The following EPHA5 variants were observed in gnomAD, a reference collection of about 807,000 sequenced individuals.
The protein encoded by EPHA5 is ephrin type-A receptor 5.
In EPHA5, 60 loss-of-function variants were observed where a neutral mutation model predicts 105.0. That is an observed-to-expected ratio of 0.57 (90% CI 0.46 to 0.71). The LOEUF is 0.71. Ranked by LOEUF, EPHA5 falls within the 30% of genes least tolerant of loss-of-function variation. EPHA5 has a pLI of 0.00. For missense variants in EPHA5, 1,218 were observed against 1,274.7 expected, an observed-to-expected ratio of 0.96 and a Z score of 0.68; for synonymous variants, 513 against 449.1, an observed-to-expected ratio of 1.14 and a Z score of -1.80.
intron 5 of EPHA5, among the ~76,000 whole-genome samples, chr4:65,471,319 A>G (rs914539519): frequency 6.6e-6 from 1 of 152,206 alleles, no homozygotes; most frequent in Non-Finnish European, 1.5e-5. Flanking sequence ...AAAATTATTC[A>G]GTCTTTGAAA....
intron 7 of EPHA5, among the ~76,000 whole-genome samples, chr4:65,405,754 T>G (rs1722296055): frequency 6.6e-6 from 1 of 152,120 alleles, no homozygotes; most frequent in Non-Finnish European, 1.5e-5. Flanking sequence ...GACGCTAAGG[T>G]CTATGGTAAG....
intron 3 of EPHA5, among the ~76,000 whole-genome samples, chr4:65,503,908 T>TACAC (rs34693427): frequency 0.21 from 30,268 of 145,242 alleles, 3,567 homozygotes; most frequent in Middle Eastern, 0.29. Flanking sequence ...ATGTGTGTGA[T>TACAC]ACACACACAC....
intron 8 of EPHA5, among the ~76,000 whole-genome samples, chr4:65,398,292 A>G (rs778887837): frequency 6.6e-6 from 1 of 152,162 alleles, no homozygotes; most frequent in African/African-American, 2.4e-5. Flanking sequence ...TGGTGCTGAC[A>G]CAGCAGTCCC....
At chr4:65,385,088 A>G (rs1485118523) in intron 8 of EPHA5, among the ~76,000 whole-genome samples, 1 of 151,882 alleles carries the variant, frequency 6.6e-6, no homozygotes, top group Non-Finnish European at 1.5e-5. Context: ...GAAAGCAAAT[A>G]AAGTTGCAAA....
At chr4:65,487,537 G>C (rs1730994700) in intron 5 of EPHA5, among the ~76,000 whole-genome samples, 1 of 152,054 alleles carries the variant, frequency 6.6e-6, no homozygotes, top group East Asian at 1.9e-4. Context: ...ACCTTTGATT[G>C]GTGTTCAAGA....
intron 3 of EPHA5, among the ~76,000 whole-genome samples, chr4:65,514,195 G>C (rs1037610823): frequency 6.6e-6 from 1 of 152,050 alleles, no homozygotes. Context: ...CCTGACAGTA[G>C]ATTTTATTTC....
At chr4:65,468,611 A>T (rs7695265) in intron 5 of EPHA5, among the ~76,000 whole-genome samples, 25 of 112,084 alleles carry the variant, frequency 2.2e-4, no homozygotes, top group East Asian at 4.7e-4. Context: ...TATTATATAT[A>T]TTATATATAT....
At chr4:65,411,777 T>G (rs1722935783) in intron 7 of EPHA5, among the ~76,000 whole-genome samples, 1 of 152,210 alleles carries the variant, frequency 6.6e-6, no homozygotes, top group Non-Finnish European at 1.5e-5. Context: ...AAGTATTAAT[T>G]TAATTATCAT....
chr4:65,558,173 G>T (rs1194614763), intron 3 of EPHA5, among the ~76,000 whole-genome samples: 1 of 151,978 alleles, frequency 6.6e-6, no homozygotes, highest in Non-Finnish European at 1.5e-5. Flanking sequence ...CACCACACCT[G>T]GCCCAAAATT....
At chr4:65,324,883 AT>A (rs143851713) in intron 16 of EPHA5, among the ~76,000 whole-genome samples, 1 of 150,290 alleles carries the variant, frequency 6.7e-6, no homozygotes, top group African/African-American at 2.4e-5. Context: ...ACTTCTGTGC[AT>A]TTTTTTCAAC....
chr4:65,416,995 C>A lies in EPHA5; in HGVS notation c.1528-2552G>T, dbSNP rs367651966. ...TCAGGGCAGTGACTTTTCCTGCCTTCGTGCCCCAGCTGAGCAAATGAGCTA... is the reference window on the plus strand; with the variant it reads ...TCAGGGCAGTGACTTTTCCTGCCTTAGTGCCCCAGCTGAGCAAATGAGCTA... On this transcript the variant is annotated intron_variant, in intron 6 of 16. Coordinates refer to ENST00000613740, the MANE Select transcript of EPHA5 (RefSeq NM_001281766.3). Among the ~76,000 whole-genome samples the A allele has an allele frequency of 1.6e-4, 24 of 152,342 alleles. No homozygotes were observed. In the East Asian group the frequency reaches 2.5e-3, roughly 16 times the overall value.
At chr4:65,592,438 G>A (rs1742755942) in intron 3 of EPHA5, among the ~76,000 whole-genome samples, 1 of 151,962 alleles carries the variant, frequency 6.6e-6, no homozygotes, top group Non-Finnish European at 1.5e-5. Flanking sequence ...CTGGTACCAA[G>A]TGGGGAGACC....
At chr4:65,400,013 CAGAT>C (rs1353283828) in intron 8 of EPHA5, among the ~76,000 whole-genome samples, 1 of 151,740 alleles carries the variant, frequency 6.6e-6, no homozygotes. Context: ...AATAAGGACA[CAGAT>C]AAATAAAAAA....
chr4:65,540,667 A>G (rs541407937), intron 3 of EPHA5, among the ~76,000 whole-genome samples: 116 of 151,380 alleles, frequency 7.7e-4, no homozygotes, highest in Non-Finnish European at 1.5e-3. Context: ...ATACTGTAGG[A>G]ATTTATTGAA....
At chr4:65,613,438 G>C (rs62297715) in intron 2 of EPHA5, among the ~76,000 whole-genome samples, 74,851 of 151,772 alleles carry the variant, frequency 0.49, 20,132 homozygotes, top group Middle Eastern at 0.65. Context: ...TATAGGAATT[G>C]CATTGAATCT....
chr4:65,375,796 C>T (rs955002735), intron 8 of EPHA5, among the ~76,000 whole-genome samples: 1 of 151,628 alleles, frequency 6.6e-6, no homozygotes, highest in Non-Finnish European at 1.5e-5. Flanking sequence ...TACACACACA[C>T]ACACACACAC....
intron 16 of EPHA5, among the ~76,000 whole-genome samples, chr4:65,328,464 T>A (rs1218744461): frequency 6.6e-6 from 1 of 151,288 alleles, no homozygotes; most frequent in Non-Finnish European, 1.5e-5. Flanking sequence ...TATCTACAGA[T>A]GATTCATTCT....
chr4:65,596,576 A>C (rs1320500679), intron 3 of EPHA5, among the ~76,000 whole-genome samples: 1 of 152,276 alleles, frequency 6.6e-6, no homozygotes, highest in East Asian at 1.9e-4. Flanking sequence ...GGAGCAGTTA[A>C]AATGGGGGGA....
At chr4:65,635,317 G>C (rs1747021255) in intron 2 of EPHA5, among the ~76,000 whole-genome samples, 1 of 152,008 alleles carries the variant, frequency 6.6e-6, no homozygotes, top group South Asian at 2.1e-4. Context: ...TCAATAATCT[G>C]AAGTCTTCAA....
Sources: gnomAD v4.1 joint callset for allele counts (sites outside exome capture counted in the v4.1 genomes callset) on GRCh38, gnomAD v4.1.1 for gene constraint, MANE v1.5 for transcripts, NCBI Gene and HGNC (gene_info 2026-07-23, HGNC 2026-07-21) for gene names.